The following DPP7 variants were observed in gnomAD, a reference collection of about 807,000 sequenced individuals.
DPP7 encodes the protein dipeptidyl peptidase 2.
DPP7 carries 74 observed loss-of-function variants against 58.8 expected under a neutral mutation model. That is an observed-to-expected ratio of 1.26 (90% CI 1.04 to 1.53). The LOEUF (loss-of-function observed/expected upper bound fraction) is 1.53, where lower values mean the gene tolerates loss of function less well. DPP7 is among the 40% of genes most tolerant of loss of function. The pLI is 0.00. For synonymous variants in DPP7, 350 were observed against 303.6 expected, an observed-to-expected ratio of 1.15 and a Z score of -1.59; for missense variants, 807 against 692.3, an observed-to-expected ratio of 1.17 and a Z score of -1.86.
In DPP7 at chr9:137,112,127, C is replaced by G. The variant is rs1174005009; in HGVS notation, c.1035G>C (p.Arg345Ser). Residue 345 changes from arginine to serine, a missense_variant, in exon 9 of 13, where the codon AGG becomes AGC. Coordinates refer to ENST00000371579, the MANE Select transcript of DPP7 (RefSeq NM_013379.3). Reference sequence around the variant, plus strand: ...ACCCCCACACCTGGTAGTCCCAGGCCCTGGCGTCGGGGCCGGTGCCGCAGC... The same window carrying G: ...ACCCCCACACCTGGTAGTCCCAGGCGCTGGCGTCGGGGCCGGTGCCGCAGC... The part of the protein sequence containing the change: ...PTGCGTGPDA[R>S]AWDYQACTEI... 1 of 1,611,522 alleles carries G rather than the reference C, an allele frequency of 6.2e-7. No individual in the cohort carries two copies. The highest frequency in any genetic ancestry group is 1.7e-5 in the Admixed American group (1 of 59,972).
chr9:137,114,846 G>A (rs967362799), upstream of DPP7: 27 of 570,816 alleles, frequency 4.7e-5, no homozygotes, highest in Non-Finnish European at 6.4e-5. Flanking sequence ...CGCCGCGCCG[G>A]GGCTGTGCCC....
rs1831575355 is a variant in DPP7 at position 137,114,688 on chromosome 9, A to G, written c.26T>C (p.Val9Ala). The stretch of plus-strand genomic sequence containing the variant: ...GCGCAGCCCGAGCGCCAGCAGCAGG[A>G]CCGGGGCCCAGGGAGCGGAGCCCAT... MGSAPWAP[V>A]LLLALGLRGL... Residue 9 changes from valine to alanine, a missense_variant, in exon 1 of 13, where the codon GTC becomes GCC. Around this residue, in one of 3 missense-constraint regions of DPP7, gnomAD observed 168 missense variants for 124.1 expected, o/e 1.35. Coordinates refer to ENST00000371579, the MANE Select transcript of DPP7 (RefSeq NM_013379.3). The G allele has an allele frequency of 2.2e-6, 3 of 1,338,614 alleles. No homozygotes were observed. Among genetic ancestry groups the G allele is most frequent in the Non-Finnish European group, 1.9e-6 (2 of 1,046,700 alleles). The allele number at this position is 1,338,614 out of a possible 1,614,324, so 82.9% of individuals were successfully genotyped here.
Position 137,114,716 on chromosome 9 carries a change from C to G in DPP7, c.-3G>C, listed in dbSNP as rs1056461430. ...GGGGCCCAGGGAGCGGAGCCCATGT[C>G]GCCTTCCGCGGGCGCCCGTCACGTG... On this transcript the variant is annotated 5_prime_UTR_variant, in exon 1 of 13. Coordinates refer to ENST00000371579, the MANE Select transcript of DPP7 (RefSeq NM_013379.3). 7.9e-5 allele frequency: 101 copies of G among 1,280,606 alleles called. No homozygotes were observed. The Middle Eastern group carries it at 1.2e-3, about 15-fold the overall frequency. 79.3% of individuals were successfully genotyped at this position (1,280,606 alleles called of 1,614,324 possible). A position where few individuals can be genotyped will look rare whatever the true frequency, so the allele number is the denominator to read the frequency against.
chr9:137,112,652 G>A, intron 8 of DPP7, 93 bp downstream of exon 8: 1 of 1,438,590 alleles, frequency 7.0e-7, no homozygotes, highest in Admixed American at 2.0e-5. Flanking sequence ...AAAGCCCCTG[G>A]CCGGGCTGCG....
At position 137,113,213 on chromosome 9, in the gene DPP7, T is replaced by C. The variant is rs771858005; in HGVS notation, c.696A>G (p.Leu232=). 1 of 1,613,712 alleles carries C rather than the reference T, an allele frequency of 6.2e-7. No homozygotes were observed. The highest frequency in any genetic ancestry group is 1.1e-5 in the South Asian group (1 of 91,084). Residue 232 remains leucine, a synonymous_variant, in exon 6 of 13, where the codon CTA becomes CTG. Transcript: ENST00000371579. The stretch of plus-strand genomic sequence containing the variant: ...GCGGTGGGAGGACCTCACCTCCCTG[T>C]AGGAACAAGTCCTTGATCTGTCGGA... ...EAFRQIKDLF[L]QGAYDTVRWE...
In DPP7 at chr9:137,113,240, C is replaced by A. The variant is rs556219967; in HGVS notation, c.669G>T (p.Ala223=). Residue 223 remains alanine (A), a synonymous_variant, in exon 6 of 13, where the codon GCG becomes GCT. Coordinates refer to ENST00000371579, the MANE Select transcript of DPP7 (RefSeq NM_013379.3). ...GGAACAAGTCCTTGATCTGTCGGAACGCTTCCCGCACACCCTGGGTGCATT... is the reference window on the plus strand; with the variant it reads ...GGAACAAGTCCTTGATCTGTCGGAAAGCTTCCCGCACACCCTGGGTGCATT... ...SPKCTQGVRE[A]FRQIKDLFLQ... is the part of the protein sequence containing the mutation. 1.2e-6 allele frequency: 2 copies of A among 1,613,766 alleles called. No individual in the cohort carries two copies. The highest frequency in any genetic ancestry group is 3.3e-5 in the Admixed American group (2 of 60,014).
chr9:137,114,178 G>A, intron 3 of DPP7, 65 bp downstream of exon 3: 1 of 341,654 alleles, frequency 2.9e-6, no homozygotes, highest in South Asian at 1.5e-4. Flanking sequence ...CGCGACCCCC[G>A]CCCGCGACCC....
chr9:137,111,607 C>T (rs1431879744), intron 11 of DPP7, 83 bp downstream of exon 11: 2 of 1,504,602 alleles, frequency 1.3e-6, no homozygotes, highest in Non-Finnish European at 9.1e-7. Context: ...CACTGTATTC[C>T]AGCCTGGGCG....
rs746620247 is a variant in DPP7 at position 137,114,560 on chromosome 9, G to A, written c.84C>T (p.Asp28=). 1.3e-5 allele frequency: 20 copies of A among 1,558,688 alleles called. No homozygotes were observed. The South Asian group carries it at 2.3e-4, about 18-fold the overall frequency. Residue 28 remains aspartate, a synonymous_variant, in exon 2 of 13, where the codon GAC becomes GAT. Coordinates refer to ENST00000371579, the MANE Select transcript of DPP7 (RefSeq NM_013379.3). ...GLQAGARRAP[D]PGFQERFFQQ... ...GGAAGAAGCGCTCCTGGAAGCCGGGGTCCGGGGCCCTGCGGGCTGTGGGGG... is the reference window on the plus strand; with the variant it reads ...GGAAGAAGCGCTCCTGGAAGCCGGGATCCGGGGCCCTGCGGGCTGTGGGGG...
chr9:137,112,507 C>T (rs1270455075), intron 8 of DPP7: 2 of 645,802 alleles, frequency 3.1e-6, no homozygotes, highest in Non-Finnish European at 5.3e-6. Flanking sequence ...CCCCAGGGGC[C>T]CCTTGGGCAG....
In DPP7 at chr9:137,112,754, C is replaced by T; in HGVS notation, c.922G>A (p.Ala308Thr). 2 of 1,605,774 alleles carry T rather than the reference C, an allele frequency of 1.2e-6. No homozygotes were observed. Among genetic ancestry groups the T allele is most frequent in the East Asian group, 2.2e-5 (1 of 44,668 alleles). The part of the protein sequence containing the change: ...SEAQRITGLR[A>T]LAGLVYNASG... ...GCCGGGGGAAGGGCACCTGCCAGTG[C>T]TCGCAGCCCCGTGATCCTCTGGGCC... is the stretch of plus-strand genomic sequence containing the variant. The change falls in exon 8 of 13, where the codon GCA (alanine) becomes ACA (threonine). Residue 308 changes from alanine (A) to threonine (T), a missense_variant. Transcript: ENST00000371579.
In DPP7 at chr9:137,112,654, CG is replaced by C. The variant is rs1831429293; in HGVS notation, c.931+90del. The C allele has an allele frequency of 2.5e-5, 37 of 1,451,254 alleles. No homozygotes were observed. The South Asian group carries it at 4.5e-4, about 18-fold the overall frequency. The allele number at this position is 1,451,254 out of a possible 1,614,324, so 89.9% of individuals were successfully genotyped here. On this transcript the variant is annotated intron_variant, in intron 8 of 12. Coordinates refer to ENST00000371579, the MANE Select transcript of DPP7 (RefSeq NM_013379.3). ...TGGGGCAGGAGGCAAAGCCCCTGGC[CG>C]GGCTGCGGATCCTCGCCCCACCCGG...
intron 10 of DPP7, 26 bp downstream of exon 10, chr9:137,111,847 G>A (rs373618825): frequency 5.1e-5 from 82 of 1,611,640 alleles, no homozygotes; most frequent in Admixed American, 1.7e-4. Context: ...AAAGCAGGAC[G>A]CTGGCCCACC....
At chr9:137,115,931 G>T (rs761221504), upstream of DPP7, among the ~76,000 whole-genome samples, 1 of 152,024 alleles carries the variant, frequency 6.6e-6, no homozygotes, top group Non-Finnish European at 1.5e-5. Context: ...GGTACCCCAC[G>T]GCGTCCCCCA....
intron 8 of DPP7, 120 bp downstream of exon 8, chr9:137,112,625 G>T: frequency 8.0e-7 from 1 of 1,248,396 alleles, no homozygotes; most frequent in Non-Finnish European, 1.1e-6. Flanking sequence ...CCCCACCACA[G>T]CCCTGGGGCA....
intron 5 of DPP7, 35 bp from the exon 6 acceptor site, chr9:137,113,322 G>A: frequency 1.2e-6 from 2 of 1,613,206 alleles, no homozygotes; most frequent in East Asian, 2.2e-5. Flanking sequence ...TGCAGCTGCT[G>A]TCCCTTAGGG....
At chr9:137,116,866 GCT>G (rs560818996), upstream of DPP7, among the ~76,000 whole-genome samples, 78 of 152,342 alleles carry the variant, frequency 5.1e-4, no homozygotes, top group Non-Finnish European at 7.9e-4. Context: ...CGGCAATGCT[GCT>G]CTGTTACTCT....
upstream of DPP7, chr9:137,114,961 G>T: frequency 3.1e-6 from 1 of 322,850 alleles, no homozygotes; most frequent in Non-Finnish European, 5.6e-6. Context: ...CGCCCCACTG[G>T]CTCGTCCTCC....
chr9:137,112,268 CAG>C, intron 8 of DPP7, 38 bp from the exon 9 acceptor site: 1 of 1,545,262 alleles, frequency 6.5e-7, no homozygotes, highest in South Asian at 1.1e-5. Flanking sequence ...CGGCCACACA[CAG>C]ACACACCGCG....
Sources: allele counts gnomAD v4.1 joint callset (sites outside exome capture counted in the v4.1 genomes callset), GRCh38; gene constraint gnomAD v4.1.1; regional missense constraint gnomAD v4.1.1; transcripts MANE v1.5; gene names NCBI Gene and HGNC (gene_info 2026-07-23, HGNC 2026-07-21).